Variants in NRK observed in about 807,000 individuals in gnomAD.
The protein encoded by NRK is Nik related kinase.
NRK carries 67 observed loss-of-function variants against 125.2 expected under a neutral mutation model. The observed-to-expected ratio is 0.54, with a 90% CI of 0.44 to 0.66. NRK has a LOEUF of 0.66. Among genes scored for constraint, NRK ranks in the 30% least tolerant of loss-of-function variants. The pLI, the probability that NRK is intolerant of heterozygous loss-of-function variation, is 0.00. For missense variants in NRK, 1,224 were observed against 1,192.9 expected (o/e 1.03, Z -0.38); for synonymous variants, 458 against 429.0 (o/e 1.07, Z -0.84).
At chrX:105,840,699 T>G (rs1320348775) in intron 2 of NRK, among the ~76,000 whole-genome samples, 6 of 111,142 alleles carry the variant, frequency 5.4e-5, no homozygotes, top group Non-Finnish European at 1.1e-4. Context: ...CTAGGAAAAT[T>G]TATCTGTACA....
rs184485304 is a variant in NRK at position 105,917,483 on chromosome X, A to G, written c.2418-95A>G. The G allele has an allele frequency of 1.2e-4, 56 of 448,363 alleles. No homozygotes were observed. In the South Asian group the frequency reaches 1.4e-3, roughly 11 times the overall value. The allele number at this position is 448,363 out of a possible 1,213,427, so 37.0% of individuals were successfully genotyped here. A position where few individuals can be genotyped will look rare whatever the true frequency, so the allele number is the denominator to read the frequency against. The stretch of plus-strand genomic sequence containing the variant: ...TTTTCAGTTTGATATGTACCCATAT[A>G]TTTAAACAAAACTTTGTGTTGGACT... On this transcript the variant is annotated intron_variant, in intron 15 of 28. Transcript: ENST00000243300.
rs1196124911 is a variant in NRK at position 105,846,115 on chromosome X, C to G, written c.123+14996C>G. ...ATTATACCTAATATAGGCCCAAGCC[C>G]CTAGTGTGATTGCAATCAATGTCAA... On this transcript the variant is annotated intron_variant, in intron 2 of 28. Coordinates refer to ENST00000243300, the MANE Select transcript of NRK (RefSeq NM_198465.4). Among the ~76,000 whole-genome samples, 7 of 110,956 alleles carry G rather than the reference C, an allele frequency of 6.3e-5. No individual in the cohort carries two copies. In the East Asian group the frequency reaches 2.0e-3, roughly 31 times the overall value.
intron 2 of NRK, among the ~76,000 whole-genome samples, chrX:105,855,174 T>G (rs1000564696): frequency 7.2e-5 from 8 of 111,414 alleles, no homozygotes; most frequent in Admixed American, 2.9e-4. Flanking sequence ...GAAAGGGCCT[T>G]AGGTTGCCTC....
At chrX:105,895,606 T>A in intron 7 of NRK, 83 bp downstream of exon 7, 1 of 619,958 alleles carries the variant, frequency 1.6e-6, no homozygotes, top group South Asian at 2.9e-5. Flanking sequence ...TTCTATCATG[T>A]CCCTGCCAAT....
intron 16 of NRK, among the ~76,000 whole-genome samples, chrX:105,919,298 A>C (rs1276954472): frequency 9.0e-6 from 1 of 110,754 alleles, no homozygotes; most frequent in Non-Finnish European, 1.9e-5. Flanking sequence ...AGCCTGTTAA[A>C]TATTCTCACC....
rs368670973 is a variant in NRK at position 105,909,624 on chromosome X, G to A, written c.1983G>A (p.Pro661=). The change falls in exon 13 of 29, where the codon CCG becomes CCA. Residue 661 remains proline (P), a synonymous_variant. Transcript: ENST00000243300. The part of the protein sequence containing the change: ...PNSNNSKPLG[P]LQTLMENLSS... ...CAAATAACTCAAAGCCACTTGGTCC[G>A]TTGCAAACCCTGATGGAAAATCTGT... The A allele has an allele frequency of 9.2e-6, 11 of 1,200,840 alleles. No individual in the cohort carries two copies. Among genetic ancestry groups the A allele is most frequent in the African/African-American group, 5.3e-5 (3 of 56,786 alleles).
Position 105,957,032 on chromosome X carries a change from A to C in NRK, c.*1432A>C, listed in dbSNP as rs909000968. 1 of 112,621 alleles carries C rather than the reference A, an allele frequency of 8.9e-6. No individual in the cohort carries two copies. Among genetic ancestry groups the C allele is most frequent in the Non-Finnish European group, 1.9e-5 (1 of 53,275 alleles). 9.3% of individuals were successfully genotyped at this position (112,621 alleles called of 1,213,427 possible). ...AACCAAAATACAAAAGCAGCTGACT[A>C]TGTGTGATTTCATAATAGCACATTT... On this transcript the variant is annotated 3_prime_UTR_variant, in exon 29 of 29. Transcript: ENST00000243300.
intron 2 of NRK, among the ~76,000 whole-genome samples, chrX:105,847,984 G>T (rs1349815365): frequency 8.9e-6 from 1 of 112,065 alleles, no homozygotes; most frequent in African/African-American, 3.2e-5. Flanking sequence ...ACAGGCAAAA[G>T]TTTTTTATCA....
chrX:105,917,167 T>G (rs1298038608), intron 15 of NRK, among the ~76,000 whole-genome samples: 1 of 111,180 alleles, frequency 9.0e-6, no homozygotes, highest in African/African-American at 3.3e-5. Flanking sequence ...GCATTTAAAA[T>G]CTGGATAATA....
intron 26 of NRK, among the ~76,000 whole-genome samples, chrX:105,948,196 G>A (rs1359770679): frequency 4.5e-5 from 5 of 111,324 alleles, no homozygotes; most frequent in African/African-American, 6.5e-5. Context: ...GTTGACCCGC[G>A]TGTTTCACAT....
intron 19 of NRK, among the ~76,000 whole-genome samples, chrX:105,925,310 T>A (rs941807018): frequency 8.1e-5 from 9 of 111,298 alleles, no homozygotes; most frequent in Non-Finnish European, 7.6e-5. Flanking sequence ...AAAAATATTT[T>A]AAAAAATTAA....
At position 105,917,614 on chromosome X, in the gene NRK, G is replaced by A; in HGVS notation, c.2454G>A (p.Lys818=). ...PQRSLLEQAQ[K]PIDIRQRSSQ... ...GGTCTCTTTTGGAACAAGCTCAGAA[G>A]CCCATTGACATCAGACAAAGGAGTT... The change falls in exon 16 of 29, where the codon AAG becomes AAA. Residue 818 remains lysine (K), a synonymous_variant. Coordinates refer to ENST00000243300, the MANE Select transcript of NRK (RefSeq NM_198465.4). 26 of 1,171,507 alleles carry A rather than the reference G, an allele frequency of 2.2e-5. No individual in the cohort carries two copies. Among genetic ancestry groups the A allele is most frequent in the Non-Finnish European group, 2.9e-5 (25 of 873,096 alleles).
In NRK at chrX:105,881,728, A is replaced by C. The variant is rs764409889; in HGVS notation, c.201A>C (p.Gly67=). ...NARKTPLPEI[G]RRVRVNKYQK... ...TACAGACCCCTTTACCTGAAATAGG[A>C]AGGCGAGTGAGAGTGAATAAATATC... Residue 67 remains glycine (G), a synonymous_variant, in exon 4 of 29, where the codon GGA becomes GGC. Transcript: ENST00000243300. The C allele has an allele frequency of 2.4e-5, 28 of 1,151,010 alleles. No homozygotes were observed. Among genetic ancestry groups the C allele is most frequent in the Non-Finnish European group, 3.0e-5 (26 of 855,456 alleles). The allele number at this position is 1,151,010 out of a possible 1,213,427, so 94.9% of individuals were successfully genotyped here.
intron 4 of NRK, 82 bp downstream of exon 4, chrX:105,881,861 CATT>C (rs1369058433): frequency 1.3e-5 from 7 of 534,115 alleles, no homozygotes; most frequent in Non-Finnish European, 2.2e-5. Flanking sequence ...TGCATTGTGT[CATT>C]ATCTCTAGAA....
intron 9 of NRK, among the ~76,000 whole-genome samples, chrX:105,902,748 A>G (rs1181971931): frequency 9.0e-6 from 1 of 111,402 alleles, no homozygotes; most frequent in Admixed American, 9.5e-5. Flanking sequence ...TGGGAACCCT[A>G]TTGTGAACTA....
chrX:105,909,070 G>T lies in NRK; in HGVS notation c.1429G>T (p.Val477Leu). 1 of 1,209,195 alleles carries T rather than the reference G, an allele frequency of 8.3e-7. No homozygotes were observed. Among genetic ancestry groups the T allele is most frequent in the Admixed American group, 2.2e-5 (1 of 45,742 alleles). ...APPRLRRAAR[V>L]LMPLQAQVRA... is the part of the protein sequence containing the mutation. ...TCCACGACTACGGAGGGCAGCCAGG[G>T]TGCTCATGCCACTACAGGCACAGGT... The change falls in exon 13 of 29, where the codon GTG becomes TTG. Residue 477 changes from valine (V) to leucine (L), a missense_variant. Coordinates refer to ENST00000243300, the MANE Select transcript of NRK (RefSeq NM_198465.4).
chrX:105,942,616 A>G, intron 23 of NRK, among the ~76,000 whole-genome samples: 1 of 111,030 alleles, frequency 9.0e-6, no homozygotes, highest in East Asian at 2.8e-4. Flanking sequence ...TATTCCATAT[A>G]CTAGAGTCTT....
In NRK at chrX:105,947,440, C is replaced by T. The variant is rs1394424139; in HGVS notation, c.4353+976C>T. Among the ~76,000 whole-genome samples the T allele has an allele frequency of 1.3e-4, 10 of 78,287 alleles. 1 individual carries two copies. The highest frequency in any genetic ancestry group is 1.9e-4 in the Non-Finnish European group (8 of 41,177). 68.0% of individuals were successfully genotyped at this position (78,287 alleles called of 115,157 possible). On this transcript the variant is annotated intron_variant, in intron 26 of 28. Transcript: ENST00000243300. Reference sequence around the variant, plus strand: ...CCTGGGCGACAGAGCGAGACTCCGTCTCAAAAAAAAAAAAAAAAAAAAAGA... The same window carrying T: ...CCTGGGCGACAGAGCGAGACTCCGTTTCAAAAAAAAAAAAAAAAAAAAAGA...
At chrX:105,842,278 G>T (rs1312568829) in intron 2 of NRK, among the ~76,000 whole-genome samples, 3 of 111,203 alleles carry the variant, frequency 2.7e-5, no homozygotes, top group African/African-American at 9.8e-5. Context: ...TTTCAGAAAT[G>T]GATGTGGACA....
Sources: allele counts gnomAD v4.1 joint callset (sites outside exome capture counted in the v4.1 genomes callset), GRCh38; gene constraint gnomAD v4.1.1; transcripts MANE v1.5; gene names NCBI Gene and HGNC (gene_info 2026-07-23, HGNC 2026-07-21).